The following PPFIBP2 variants were observed in gnomAD, a reference collection of about 807,000 sequenced individuals.
The protein encoded by PPFIBP2 is PPFIB scaffold protein 2.
In PPFIBP2, 118 loss-of-function variants were observed where a neutral mutation model predicts 118.3. The ratio of observed to expected loss-of-function variants is 1.00; its 90% CI spans 0.86 to 1.16. The LOEUF is 1.16. Among genes scored for constraint, PPFIBP2 ranks in the 50% most tolerant of loss-of-function variants. The pLI, the probability that PPFIBP2 is intolerant of heterozygous loss-of-function variation, is 0.00. For missense variants in PPFIBP2, 1,195 were observed against 1,073.1 expected (o/e 1.11, Z -1.59); for synonymous variants, 414 against 397.4 (o/e 1.04, Z -0.50).
intron 1 of PPFIBP2, among the ~76,000 whole-genome samples, chr11:7,547,663 A>T (rs1230936226): frequency 1.3e-5 from 2 of 151,786 alleles, no homozygotes. Flanking sequence ...ACCTCGGAGC[A>T]GCTCTGTTCC....
At chr11:7,665,260 G>T in the PPFIBP2 span, 1 of 911,864 alleles carries the variant, frequency 1.1e-6, no homozygotes, top group Non-Finnish European at 1.6e-6. Context: ...CAGTGTGTGC[G>T]CGAAGGTACA....
intron 6 of PPFIBP2, among the ~76,000 whole-genome samples, chr11:7,619,511 T>A (rs925102900): frequency 1.3e-5 from 2 of 152,146 alleles, no homozygotes; most frequent in African/African-American, 4.8e-5. Context: ...CATGATCTGA[T>A]GTATGGTTTG....
downstream of PPFIBP2, among the ~76,000 whole-genome samples, chr11:7,657,991 C>T (rs1854799538): frequency 6.6e-6 from 1 of 152,250 alleles, no homozygotes; most frequent in African/African-American, 2.4e-5. Flanking sequence ...TGTTAAGAAC[C>T]TTCCATGCCA....
At chr11:7,615,509 C>A (rs1848536505) in intron 6 of PPFIBP2, among the ~76,000 whole-genome samples, 1 of 152,118 alleles carries the variant, frequency 6.6e-6, no homozygotes. Context: ...GTTCCTGATG[C>A]AGGTCTCCAA....
At chr11:7,617,370 T>C (rs1848783939) in intron 6 of PPFIBP2, 1 of 909,178 alleles carries the variant, frequency 1.1e-6, no homozygotes, top group Non-Finnish European at 1.3e-6. Flanking sequence ...GGGTTTCTCC[T>C]AACCAGAACA....
intron 16 of PPFIBP2, 169 bp from the exon 17 acceptor site, chr11:7,642,129 G>C: frequency 1.3e-6 from 1 of 763,496 alleles, no homozygotes; most frequent in South Asian, 2.1e-5. Context: ...CTTGAGTCTG[G>C]CCAAGGAGCT....
intron 3 of PPFIBP2, among the ~76,000 whole-genome samples, chr11:7,586,525 C>T (rs906251590): frequency 6.6e-6 from 1 of 152,166 alleles, no homozygotes; most frequent in African/African-American, 2.4e-5. Context: ...AGTTTTAGTG[C>T]CACACGTTTT....
chr11:7,550,848 C>A (rs751993027), intron 2 of PPFIBP2, among the ~76,000 whole-genome samples: 1 of 152,122 alleles, frequency 6.6e-6, no homozygotes, highest in Non-Finnish European at 1.5e-5. Context: ...AAAGTCTAGA[C>A]TAGCTTAGCC....
chr11:7,649,525 C>CT lies in PPFIBP2; in HGVS notation c.1999-4dup. On this transcript the variant is annotated splice_region_variant and splice_polypyrimidine_tract_variant and intron_variant, in intron 20 of 23. Coordinates refer to ENST00000299492, the MANE Select transcript of PPFIBP2 (RefSeq NM_003621.5). ...TCTGGTTTATAAACCAAACTTTCCTCTTTCAGAACGATTTACTCTTCTTAA... is the reference window on the plus strand; with the variant it reads ...TCTGGTTTATAAACCAAACTTTCCTCTTTTCAGAACGATTTACTCTTCTTAA... 1 of 1,614,120 alleles carries CT rather than the reference C, an allele frequency of 6.2e-7. No homozygotes were observed. Among genetic ancestry groups the CT allele is most frequent in the Non-Finnish European group, 8.5e-7 (1 of 1,179,996 alleles).
chr11:7,653,680 G>T lies in PPFIBP2; in HGVS notation c.*462G>T. 1 of 1,289,040 alleles carries T rather than the reference G, an allele frequency of 7.8e-7. No individual in the cohort carries two copies. The highest frequency in any genetic ancestry group is 1.2e-5 in the South Asian group (1 of 80,640). The allele number at this position is 1,289,040 out of a possible 1,614,324, so 79.9% of individuals were successfully genotyped here. A position where few individuals can be genotyped will look rare whatever the true frequency, so the allele number is the denominator to read the frequency against. On this transcript the variant is annotated 3_prime_UTR_variant, in exon 24 of 24. Transcript: ENST00000299492. ...GAGCAACAGGGACTTCTGCCACAGT[G>T]ACAATGGAATTGTGTTGTGCCTTAC...
At chr11:7,597,126 A>G (rs994185099) in intron 4 of PPFIBP2, 3 of 1,407,678 alleles carry the variant, frequency 2.1e-6, no homozygotes, top group South Asian at 3.0e-5. Context: ...TCACACCCTT[A>G]TGAGAGAGGT....
At chr11:7,559,592 TGAGG>T (rs1172790404) in intron 2 of PPFIBP2, among the ~76,000 whole-genome samples, 1 of 151,868 alleles carries the variant, frequency 6.6e-6, no homozygotes, top group Non-Finnish European at 1.5e-5. Flanking sequence ...CACTGGGGGG[TGAGG>T]GAGGGTGTAT....
chr11:7,577,943 C>G (rs943795362), intron 3 of PPFIBP2, among the ~76,000 whole-genome samples: 1 of 152,124 alleles, frequency 6.6e-6, no homozygotes, highest in East Asian at 1.9e-4. Context: ...AACACCGTGA[C>G]CAGAAGAATG....
intron 23 of PPFIBP2, 52 bp downstream of exon 23, chr11:7,651,896 C>T (rs113892795): frequency 1.6e-5 from 25 of 1,519,288 alleles, no homozygotes; most frequent in Middle Eastern, 2.0e-4. Flanking sequence ...CTGGCCCTCA[C>T]GCAGCACAGC....
At chr11:7,641,671 G>C in intron 16 of PPFIBP2, 51 bp downstream of exon 16, 1 of 1,574,940 alleles carries the variant, frequency 6.3e-7, no homozygotes, top group African/African-American at 1.3e-5. Context: ...TTTTCTTTTT[G>C]ATTGGGCAAA....
At chr11:7,532,666 C>A (rs186105811) in intron 1 of PPFIBP2, among the ~76,000 whole-genome samples, 4 of 152,370 alleles carry the variant, frequency 2.6e-5, no homozygotes, top group Admixed American at 6.5e-5. Flanking sequence ...GCTGCTAATA[C>A]CCTCCAGCCC....
At chr11:7,590,343 C>T (rs762026310) in intron 3 of PPFIBP2, among the ~76,000 whole-genome samples, 4 of 152,162 alleles carry the variant, frequency 2.6e-5, no homozygotes, top group Admixed American at 6.5e-5. Context: ...CATTATCTTT[C>T]ACTGCTGTTT....
chr11:7,515,328 G>A (rs1250793406), intron 1 of PPFIBP2, among the ~76,000 whole-genome samples: 2 of 152,202 alleles, frequency 1.3e-5, no homozygotes, highest in African/African-American at 4.8e-5. Context: ...TGTGACAGTT[G>A]TTAGCTTATT....
intron 2 of PPFIBP2, among the ~76,000 whole-genome samples, chr11:7,559,312 A>AT (rs57324853): frequency 0.014 from 2,108 of 151,918 alleles, 76 homozygotes; most frequent in African/African-American, 0.049. Context: ...TAGGGCACAC[A>AT]TTTTTTTTAT....
Sources: gnomAD v4.1 joint callset for allele counts (sites outside exome capture counted in the v4.1 genomes callset) on GRCh38, gnomAD v4.1.1 for gene constraint, MANE v1.5 for transcripts, NCBI Gene and HGNC (gene_info 2026-07-23, HGNC 2026-07-21) for gene names.